Variants in PTPRO observed in about 807,000 individuals in gnomAD.
PTPRO encodes receptor-type tyrosine-protein phosphatase O.
PTPRO carries 62 observed loss-of-function variants against 145.2 expected under a neutral mutation model. That is an observed-to-expected ratio of 0.43 (90% CI 0.35 to 0.53). The LOEUF is 0.53. Among genes scored for constraint, PTPRO ranks in the 20% least tolerant of loss-of-function variants. PTPRO has a pLI of 0.01. For missense variants in PTPRO, 1,345 were observed against 1,482.7 expected (o/e 0.91, Z 1.53); for synonymous variants, 565 against 514.7 (o/e 1.10, Z -1.32).
chr12:15,448,338 G>GCAAAAAAAAAAAAAA (rs1565635275), intron 1 of PTPRO, among the ~76,000 whole-genome samples: 1 of 3,866 alleles, frequency 2.6e-4, no homozygotes. Flanking sequence ...CCTGTTCCTA[G>GCAAAAAAAAAAAAAA]TAAAAAAAAA....
chr12:15,463,836 T>C (rs1377253931), intron 1 of PTPRO, among the ~76,000 whole-genome samples: 1 of 152,150 alleles, frequency 6.6e-6, no homozygotes, highest in Admixed American at 6.5e-5. Flanking sequence ...TGAACTATAA[T>C]AATAAAAATA....
intron 17 of PTPRO, among the ~76,000 whole-genome samples, chr12:15,564,946 G>A (rs981648942): frequency 3.9e-5 from 6 of 152,126 alleles, no homozygotes; most frequent in African/African-American, 7.2e-5. Context: ...CTAAACAAAT[G>A]TAACTAACTA....
intron 7 of PTPRO, among the ~76,000 whole-genome samples, chr12:15,509,695 A>AT (rs371020115): frequency 3.2e-5 from 1 of 31,270 alleles, no homozygotes; most frequent in Non-Finnish European, 1.2e-4. Context: ...TCAAAAAAAA[A>AT]GAAAAAAAAA....
chr12:15,348,610 C>A (rs1388912375), intron 1 of PTPRO: 4 of 152,110 alleles, frequency 2.6e-5, no homozygotes, highest in Non-Finnish European at 5.9e-5. Context: ...CACAGTGAAA[C>A]CCCGTCTCTA....
At chr12:15,375,787 G>C (rs899905497) in intron 1 of PTPRO, among the ~76,000 whole-genome samples, 1 of 142,728 alleles carries the variant, frequency 7.0e-6, no homozygotes, top group Non-Finnish European at 1.5e-5. Flanking sequence ...AAAGGAAACA[G>C]AAATTATTTT....
chr12:15,491,442 C>A (rs1370003158), intron 2 of PTPRO, among the ~76,000 whole-genome samples: 5 of 152,070 alleles, frequency 3.3e-5, no homozygotes, highest in African/African-American at 1.2e-4. Context: ...GTCTCTTCTC[C>A]GAGATAGTCA....
At chr12:15,544,545 A>G (rs1943244257) in intron 12 of PTPRO, among the ~76,000 whole-genome samples, 1 of 151,010 alleles carries the variant, frequency 6.6e-6, no homozygotes, top group African/African-American at 2.4e-5. Flanking sequence ...GGAAAAGGTA[A>G]CGAGTTTTTA....
At chr12:15,481,490 A>T (rs937117314) in intron 1 of PTPRO, among the ~76,000 whole-genome samples, 7 of 152,342 alleles carry the variant, frequency 4.6e-5, no homozygotes, top group African/African-American at 1.7e-4. Context: ...ACATAGTCCA[A>T]TAAAGGGATG....
intron 7 of PTPRO, 37 bp from the exon 8 acceptor site, chr12:15,515,461 A>G (rs769778581): frequency 6.2e-7 from 1 of 1,611,490 alleles, no homozygotes; most frequent in Admixed American, 1.7e-5. Context: ...CTGAAATCCC[A>G]GCTCTAAATA....
intron 19 of PTPRO, among the ~76,000 whole-genome samples, chr12:15,577,406 T>C (rs773070607): frequency 1.6e-4 from 25 of 152,224 alleles, no homozygotes; most frequent in Non-Finnish European, 3.1e-4. Flanking sequence ...TAATAAAGCA[T>C]GTGCTTTGCA....
At chr12:15,453,882 C>T (rs1337055083) in intron 1 of PTPRO, among the ~76,000 whole-genome samples, 1 of 152,210 alleles carries the variant, frequency 6.6e-6, no homozygotes, top group Non-Finnish European at 1.5e-5. Flanking sequence ...CTTCAAGTTT[C>T]ATTCATGTAG....
rs1178433751 is a variant in PTPRO at position 15,416,424 on chromosome 12, A to C, written c.76-67550A>C. ...AAGGTCTGACTCCTGGGTTCACACC[A>C]TTCTCCTGCCTCAGCCTCCCGAGTA... is the stretch of plus-strand genomic sequence containing the variant. On this transcript the variant is annotated intron_variant, in intron 1 of 26. Transcript: ENST00000281171. Among the ~76,000 whole-genome samples, 4 of 150,036 alleles carry C rather than the reference A, an allele frequency of 2.7e-5. No homozygotes were observed. In the East Asian group the frequency reaches 7.8e-4, roughly 29 times the overall value.
At chr12:15,361,064 T>A (rs1458048875) in intron 1 of PTPRO, among the ~76,000 whole-genome samples, 2 of 151,518 alleles carry the variant, frequency 1.3e-5, no homozygotes, top group Non-Finnish European at 2.9e-5. Flanking sequence ...AGAAAATTTG[T>A]ATATATTGAA....
intron 12 of PTPRO, among the ~76,000 whole-genome samples, chr12:15,534,925 C>A (rs1943037408): frequency 6.6e-6 from 1 of 152,128 alleles, no homozygotes; most frequent in South Asian, 2.1e-4. Flanking sequence ...GTGATGGTAA[C>A]TTTGACTACG....
At chr12:15,378,509 T>G (rs1383158887) in intron 1 of PTPRO, among the ~76,000 whole-genome samples, 5 of 152,018 alleles carry the variant, frequency 3.3e-5, no homozygotes. Context: ...TAATGGAAAC[T>G]GAATAGACCT....
At chr12:15,382,178 T>TATATATATA (rs1565597910) in intron 1 of PTPRO, among the ~76,000 whole-genome samples, 13 of 133,214 alleles carry the variant, frequency 9.8e-5, no homozygotes, top group African/African-American at 4.3e-4. Context: ...ATATATATAT[T>TATATATATA]TATATTTATA....
chr12:15,539,214 G>C (rs1466518293), intron 12 of PTPRO, among the ~76,000 whole-genome samples: 1 of 151,672 alleles, frequency 6.6e-6, no homozygotes, highest in East Asian at 1.9e-4. Context: ...TACAATGTAT[G>C]TTATGTGGGT....
intron 1 of PTPRO, among the ~76,000 whole-genome samples, chr12:15,384,590 C>T (rs1180984797): frequency 6.6e-6 from 1 of 152,148 alleles, no homozygotes; most frequent in African/African-American, 2.4e-5. Flanking sequence ...AATTAGGAAC[C>T]CTCCACTTTA....
At chr12:15,360,838 A>ATGTG (rs1491450779) in intron 1 of PTPRO, among the ~76,000 whole-genome samples, 1 of 112,276 alleles carries the variant, frequency 8.9e-6, no homozygotes, top group Non-Finnish European at 2.1e-5. Flanking sequence ...GTATATATAT[A>ATGTG]CGTGTGTATA....
Sources: allele counts gnomAD v4.1 joint callset (sites outside exome capture counted in the v4.1 genomes callset), GRCh38; gene constraint gnomAD v4.1.1; transcripts MANE v1.5; gene names NCBI Gene and HGNC (gene_info 2026-07-23, HGNC 2026-07-21).